ATAT1: variants seen among roughly 807,000 people sequenced by gnomAD.
ATAT1 encodes alpha-tubulin N-acetyltransferase 1.
ATAT1 carries 42 observed loss-of-function variants against 57.2 expected under a neutral mutation model. The ratio of observed to expected loss-of-function variants is 0.73; its 90% CI spans 0.57 to 0.95. The LOEUF (loss-of-function observed/expected upper bound fraction) is 0.95. Among genes scored for constraint, ATAT1 ranks in the 40% least tolerant of loss-of-function variants. ATAT1 has a pLI of 0.00. For missense variants in ATAT1, 454 were observed against 523.7 expected (o/e 0.87, Z 1.30); for synonymous variants, 168 against 187.1 (o/e 0.90, Z 0.83).
rs778140664 is a variant in ATAT1 at position 30,627,869 on chromosome 6, T to C, written c.243T>C (p.Ile81=). The change falls in exon 4 of 13, where the codon ATT becomes ATC. Residue 81 remains isoleucine, a synonymous_variant. Coordinates refer to ENST00000330083, the MANE Select transcript of ATAT1 (RefSeq NM_001031722.4). ...CCTACAGGGCTGGAAAAGGAGCCATTATTGGTTTCATCAAAGTTGGATACA... is the reference window on the plus strand; with the variant it reads ...CCTACAGGGCTGGAAAAGGAGCCATCATTGGTTTCATCAAAGTTGGATACA... 1 of 1,612,920 alleles carries C rather than the reference T, an allele frequency of 6.2e-7. No individual in the cohort carries two copies. The highest frequency in any genetic ancestry group is 1.3e-5 in the African/African-American group (1 of 74,924).
chr6:30,642,832 A>ACCCC lies in ATAT1; in HGVS notation c.753_754insCCCC (p.Ala252ProfsTer49). ...GGGCCCCTCGCCGCGCCACACCTCC[A>ACCCC]GCCCACCCACCCCCCCGCTCCAGCA... is the stretch of plus-strand genomic sequence containing the variant. On this transcript the variant is annotated frameshift_variant, in exon 10 of 13. Coordinates refer to ENST00000330083, the MANE Select transcript of ATAT1 (RefSeq NM_001031722.4). LOFTEE classifies it high-confidence loss of function. 3 of 1,230,744 alleles carry ACCCC rather than the reference A, an allele frequency of 2.4e-6. No homozygotes were observed. The highest frequency in any genetic ancestry group is 1.2e-5 in the South Asian group (1 of 82,748). 76.2% of individuals were successfully genotyped at this position (1,230,744 alleles called of 1,614,324 possible).
chr6:30,639,487 T>C (rs1006804971), intron 6 of ATAT1, among the ~76,000 whole-genome samples: 5 of 151,444 alleles, frequency 3.3e-5, no homozygotes, highest in African/African-American at 9.7e-5. Context: ...TTCTTTTTTT[T>C]TTTTTTTGAG....
At chr6:30,639,084 G>A (rs747124766) in intron 6 of ATAT1, among the ~76,000 whole-genome samples, 112 of 151,358 alleles carry the variant, frequency 7.4e-4, no homozygotes, top group Non-Finnish European at 1.1e-3. Flanking sequence ...GGGTTCAAGC[G>A]ACTCTCCTGC....
At chr6:30,633,939 G>C (rs904473206) in intron 6 of ATAT1, 1 of 165,804 alleles carries the variant, frequency 6.0e-6, no homozygotes, top group African/African-American at 2.4e-5. Context: ...GCAGCAGAAG[G>C]CCAGTGAGGA....
chr6:30,642,833 G>GGGGGGGGCCACCCC lies in ATAT1; in HGVS notation c.754_755insGGGGGGGCCACCCC (p.Ala252GlyfsTer72). ...GGCCCCTCGCCGCGCCACACCTCCAGCCCACCCACCCCCCCGCTCCAGCAG... is the reference window on the plus strand; with the variant it reads ...GGCCCCTCGCCGCGCCACACCTCCAGGGGGGGGCCACCCCCCCACCCACCCCCCCGCTCCAGCAG... On this transcript the variant is annotated frameshift_variant, in exon 10 of 13. Transcript: ENST00000330083. LOFTEE classifies it high-confidence loss of function. The GGGGGGGGCCACCCC allele has an allele frequency of 6.5e-7, 1 of 1,537,878 alleles. No homozygotes were observed. The highest frequency in any genetic ancestry group is 8.7e-7 in the Non-Finnish European group (1 of 1,145,784).
In ATAT1 at chr6:30,646,523, G is replaced by A. The variant is rs1309794487; in HGVS notation, c.1110G>A (p.Met370Ile). The A allele has an allele frequency of 5.6e-6, 9 of 1,596,000 alleles. No homozygotes were observed. The highest frequency in any genetic ancestry group is 2.3e-5 in the East Asian group (1 of 44,146). The change falls in exon 13 of 13, where the codon ATG becomes ATA. Residue 370 changes from methionine to isoleucine, a missense_variant. By Grantham distance (10) the Met-to-Ile change is conservative (BLOSUM62 1). Around this residue, in one of 3 missense-constraint regions of ATAT1, gnomAD observed 216 missense variants for 222.2 expected, o/e 0.97. Coordinates refer to ENST00000330083, the MANE Select transcript of ATAT1 (RefSeq NM_001031722.4). ...AGGATGGGTCTGGGGAGAAGCCCAT[G>A]CACACAGCTCCTCCACAGGCCCCGG...
rs1765719342 is a variant in ATAT1 at position 30,642,666 on chromosome 6, AAGAC to A, written c.689-101_689-98del. On this transcript the variant is annotated intron_variant, in intron 9 of 12. Coordinates refer to ENST00000330083, the MANE Select transcript of ATAT1 (RefSeq NM_001031722.4). ...TCAAAAAAGAAAAAAAAAAAAAAGA[AAGAC>A]TCAGATTTCTCTTTTTTTCTACCAA... 1.2e-5 allele frequency: 10 copies of A among 805,920 alleles called. No individual in the cohort carries two copies. In the East Asian group the frequency reaches 2.5e-4, roughly 20 times the overall value. 49.9% of individuals were successfully genotyped at this position (805,920 alleles called of 1,614,324 possible).
chr6:30,639,724 G>A (rs945620891), intron 6 of ATAT1, among the ~76,000 whole-genome samples: 7 of 151,944 alleles, frequency 4.6e-5, no homozygotes, highest in African/African-American at 1.7e-4. Flanking sequence ...TGATCCGCCC[G>A]CCTCGGCCTC....
chr6:30,646,785 T>A lies in ATAT1; in HGVS notation c.*142T>A, dbSNP rs1220324929. 8 of 1,273,642 alleles carry A rather than the reference T, an allele frequency of 6.3e-6. No individual in the cohort carries two copies. The African/African-American group carries it at 1.2e-4, about 20-fold the overall frequency. 78.9% of individuals were successfully genotyped at this position (1,273,642 alleles called of 1,614,324 possible). ...ATCAGATTCAAGTCATTTGTATCTT[T>A]TAACCAGACCAATAAAAGTATTTAT... On this transcript the variant is annotated 3_prime_UTR_variant, in exon 13 of 13. Coordinates refer to ENST00000330083, the MANE Select transcript of ATAT1 (RefSeq NM_001031722.4).
rs1561942069 is a variant in ATAT1 at position 30,646,478 on chromosome 6, TGAG to T, written c.1069_1071del (p.Glu357del). On this transcript the variant is annotated inframe_deletion, in exon 13 of 13. Coordinates refer to ENST00000330083, the MANE Select transcript of ATAT1 (RefSeq NM_001031722.4). ...TCTCCCCACCTACCAGGTCTGCCAG[TGAG>T]GAGCAGGCCTTGTCACAGGATGGGT... 6.3e-7 allele frequency: 1 copy of T among 1,582,256 alleles called. No homozygotes were observed. The highest frequency in any genetic ancestry group is 8.6e-7 in the Non-Finnish European group (1 of 1,162,862).
chr6:30,642,833 G>GCCACCCCC lies in ATAT1; in HGVS notation c.756_757insACCCCCCC (p.His253ThrfsTer69). Reference sequence around the variant, plus strand: ...GGCCCCTCGCCGCGCCACACCTCCAGCCCACCCACCCCCCCGCTCCAGCAG... The same window carrying GCCACCCCC: ...GGCCCCTCGCCGCGCCACACCTCCAGCCACCCCCCCCACCCACCCCCCCGCTCCAGCAG... On this transcript the variant is annotated frameshift_variant, in exon 10 of 13. Coordinates refer to ENST00000330083, the MANE Select transcript of ATAT1 (RefSeq NM_001031722.4). LOFTEE classifies it high-confidence loss of function. The GCCACCCCC allele has an allele frequency of 6.5e-7, 1 of 1,537,878 alleles. No individual in the cohort carries two copies.
chr6:30,637,682 T>TA (rs529959080), intron 6 of ATAT1, among the ~76,000 whole-genome samples: 100 of 134,818 alleles, frequency 7.4e-4, no homozygotes, highest in South Asian at 1.4e-3. Flanking sequence ...GATTCCATGT[T>TA]AAAAAAAAAA....
intron 6 of ATAT1, among the ~76,000 whole-genome samples, chr6:30,639,479 C>CTTTTT (rs979708714): frequency 7.2e-6 from 1 of 139,526 alleles, no homozygotes. Context: ...CACTTTCTTT[C>CTTTTT]TTTTTTTTTT....
intron 9 of ATAT1, 119 bp downstream of exon 9, chr6:30,642,366 G>C (rs1765637270): frequency 1.4e-6 from 2 of 1,400,504 alleles, no homozygotes; most frequent in Admixed American, 1.9e-5. Context: ...TCTTGGGCTG[G>C]GCATGGTGGC....
chr6:30,627,571 T>C (rs1761948882), intron 2 of ATAT1, 51 bp downstream of exon 2: 1 of 1,605,810 alleles, frequency 6.2e-7, no homozygotes, highest in Admixed American at 1.7e-5. Flanking sequence ...GTGGGGATGG[T>C]ATATAAGGGA....
intron 6 of ATAT1, among the ~76,000 whole-genome samples, chr6:30,638,676 T>G (rs1764698169): frequency 6.6e-6 from 1 of 151,460 alleles, no homozygotes; most frequent in Admixed American, 6.6e-5. Context: ...GAGTAAACTC[T>G]TAATGGCTAC....
chr6:30,629,239 T>C (rs1762323008), intron 6 of ATAT1, among the ~76,000 whole-genome samples: 2 of 149,360 alleles, frequency 1.3e-5, no homozygotes, highest in African/African-American at 2.5e-5. Flanking sequence ...CTACACCTAA[T>C]TTTTCTTTTT....
At chr6:30,640,794 T>A in intron 8 of ATAT1, 191 bp downstream of exon 8, 1 of 632,370 alleles carries the variant, frequency 1.6e-6, no homozygotes, top group Non-Finnish European at 2.7e-6. Flanking sequence ...GACTTTTAAC[T>A]AAGCAAGCTC....
rs1405279789 is a variant in ATAT1 at position 30,627,620 on chromosome 6, T to G, written c.133-16T>G. The G allele has an allele frequency of 6.2e-7, 1 of 1,612,340 alleles. No individual in the cohort carries two copies. Among genetic ancestry groups the G allele is most frequent in the African/African-American group, 1.3e-5 (1 of 75,018 alleles). On this transcript the variant is annotated splice_polypyrimidine_tract_variant and intron_variant, in intron 2 of 12. Coordinates refer to ENST00000330083, the MANE Select transcript of ATAT1 (RefSeq NM_001031722.4). ...CGGAGAGACTTGCAGAAAGTCTGAC[T>G]TAATCTTCCCTGCAGGCCCAGAATC...
Sources: allele counts gnomAD v4.1 joint callset (sites outside exome capture counted in the v4.1 genomes callset), GRCh38; gene constraint gnomAD v4.1.1; regional missense constraint gnomAD v4.1.1; transcripts MANE v1.5; gene names NCBI Gene and HGNC (gene_info 2026-07-23, HGNC 2026-07-21).